The following DPP10 variants were observed in gnomAD, a reference collection of about 807,000 sequenced individuals.
DPP10 encodes dipeptidyl peptidase like 10.
Under a neutral mutation model 120.9 loss-of-function variants are expected in DPP10, and 33 were observed. The ratio of observed to expected loss-of-function variants is 0.27; its 90% CI spans 0.21 to 0.37. DPP10 has a LOEUF of 0.37. DPP10 is among the 10% of genes least tolerant of loss of function. The probability of loss-of-function intolerance (pLI) is 1.00; values close to 1 mark genes in which losing one functional copy is unlikely to be tolerated. For synonymous variants in DPP10, 337 were observed against 326.1 expected (o/e 1.03, Z -0.36); for missense variants, 816 against 942.8 (o/e 0.87, Z 1.76).
chr2:115,596,541 C>A (rs936470735), intron 5 of DPP10, among the ~76,000 whole-genome samples: 14 of 152,222 alleles, frequency 9.2e-5, no homozygotes, highest in Middle Eastern at 3.4e-3. Context: ...AGTTTCTCTC[C>A]AGTATTTTAG....
intron 1 of DPP10, among the ~76,000 whole-genome samples, chr2:115,052,445 T>C (rs1450408343): frequency 6.6e-6 from 1 of 152,042 alleles, no homozygotes; most frequent in Non-Finnish European, 1.5e-5. Context: ...GGGTTTAATA[T>C]CCAGAATATG....
chr2:115,782,475 C>T, intron 17 of DPP10, 76 bp downstream of exon 17: 1 of 1,343,174 alleles, frequency 7.4e-7, no homozygotes, highest in South Asian at 1.2e-5. Flanking sequence ...TATTCTGAGT[C>T]ATATCCTCTA....
intron 1 of DPP10, among the ~76,000 whole-genome samples, chr2:114,458,469 G>A (rs1049087174): frequency 6.6e-6 from 1 of 152,056 alleles, no homozygotes; most frequent in Non-Finnish European, 1.5e-5. Context: ...CTTAAAAGCA[G>A]ATGAACTTGA....
At chr2:114,577,284 A>C (rs1375235107) in intron 1 of DPP10, among the ~76,000 whole-genome samples, 1 of 152,226 alleles carries the variant, frequency 6.6e-6, no homozygotes, top group Non-Finnish European at 1.5e-5. Flanking sequence ...CAAAGAGCAC[A>C]CACTTGGTGA....
chr2:114,766,248 C>A (rs116511345), intron 1 of DPP10, among the ~76,000 whole-genome samples: 4 of 151,958 alleles, frequency 2.6e-5, no homozygotes, highest in Non-Finnish European at 4.4e-5. Context: ...TGAGTTACTG[C>A]ACTCCCATTT....
At chr2:115,212,893 G>C (rs1214751112) in intron 1 of DPP10, among the ~76,000 whole-genome samples, 1 of 151,960 alleles carries the variant, frequency 6.6e-6, no homozygotes, top group Non-Finnish European at 1.5e-5. Context: ...TATTCACATT[G>C]GTTTATCACA....
chr2:114,459,631 CT>C lies in DPP10; in HGVS notation c.60+16796del, dbSNP rs80305111. Reference sequence around the variant, plus strand: ...ACAAGAGGCCTCATGGTGAGCTATGCTTTGTTCAAAAAGGATGAAAGCAATT... The same window carrying C: ...ACAAGAGGCCTCATGGTGAGCTATGCTTGTTCAAAAAGGATGAAAGCAATT... On this transcript the variant is annotated intron_variant, in intron 1 of 25. Coordinates refer to ENST00000410059, the MANE Select transcript of DPP10 (RefSeq NM_020868.6). Among the ~76,000 whole-genome samples the C allele has an allele frequency of 3.1e-3, 470 of 152,172 alleles. 11 individuals carry two copies. The East Asian group carries it at 0.039, about 13-fold the overall frequency.
At chr2:115,384,476 A>G (rs10165999) in intron 3 of DPP10, among the ~76,000 whole-genome samples, 2 of 130,264 alleles carry the variant, frequency 1.5e-5, no homozygotes, top group Non-Finnish European at 1.7e-5. Flanking sequence ...AAGGAAGAAG[A>G]AGGAAGAAGA....
At chr2:114,908,966 T>G (rs1369843705) in intron 1 of DPP10, among the ~76,000 whole-genome samples, 2 of 151,832 alleles carry the variant, frequency 1.3e-5, no homozygotes, top group Non-Finnish European at 3.0e-5. Flanking sequence ...TAGTACTGAG[T>G]TTACTACATT....
chr2:114,888,816 A>G (rs1692301904), intron 1 of DPP10, among the ~76,000 whole-genome samples: 1 of 152,206 alleles, frequency 6.6e-6, no homozygotes, highest in African/African-American at 2.4e-5. Context: ...ATGAGATAGC[A>G]CAGATAACTT....
chr2:114,968,212 C>G (rs1360159882), intron 1 of DPP10, among the ~76,000 whole-genome samples: 1 of 152,168 alleles, frequency 6.6e-6, no homozygotes, highest in African/African-American at 2.4e-5. Flanking sequence ...ATGTCTTAGC[C>G]TCTGCTGTTG....
rs141071892 is a variant in DPP10 at position 114,601,592 on chromosome 2, C to A, written c.60+158754C>A. ...GTATAAGCAGTACATTGAAAGACAGCCAATAACATTCATCTCTTGAAATAA... is the reference window on the plus strand; with the variant it reads ...GTATAAGCAGTACATTGAAAGACAGACAATAACATTCATCTCTTGAAATAA... On this transcript the variant is annotated intron_variant, in intron 1 of 25. Coordinates refer to ENST00000410059, the MANE Select transcript of DPP10 (RefSeq NM_020868.6). 3.9e-5 allele frequency among the ~76,000 whole-genome samples: 6 copies of A among 151,934 alleles called. No homozygotes were observed. In the East Asian group the frequency reaches 7.7e-4, roughly 20 times the overall value.
chr2:115,712,539 A>ATTTTATTT (rs1398073048), intron 7 of DPP10, among the ~76,000 whole-genome samples: 3 of 9,870 alleles, frequency 3.0e-4, no homozygotes, highest in African/African-American at 3.3e-4. Context: ...AGAGTCCTGA[A>ATTTTATTT]TTAAATATAT....
intron 1 of DPP10, among the ~76,000 whole-genome samples, chr2:114,947,101 C>T (rs2104613552): frequency 6.6e-6 from 1 of 151,508 alleles, no homozygotes; most frequent in South Asian, 2.1e-4. Context: ...ACCACTTAAA[C>T]CTAGAGAGCT....
At chr2:115,537,162 A>G (rs1456403543) in intron 5 of DPP10, among the ~76,000 whole-genome samples, 2 of 152,086 alleles carry the variant, frequency 1.3e-5, no homozygotes, top group Admixed American at 6.6e-5. Context: ...TACAACATAC[A>G]GGTAAATTTG....
Position 114,692,943 on chromosome 2 carries a change from C to T in DPP10, c.60+250105C>T, listed in dbSNP as rs555915728. Among the ~76,000 whole-genome samples, 314 of 152,138 alleles carry T rather than the reference C, an allele frequency of 2.1e-3. 2 individuals are homozygous for T. The highest frequency in any genetic ancestry group is 7.2e-3 in the African/African-American group (299 of 41,524). On this transcript the variant is annotated intron_variant, in intron 1 of 25. Coordinates refer to ENST00000410059, the MANE Select transcript of DPP10 (RefSeq NM_020868.6). ...TCTATTTGCTTGGTAAATTTTCCTC[C>T]ATCCCTTTATTTTAAGTCTATGTGT...
In DPP10 at chr2:114,914,430, A is replaced by G. The variant is rs552634113; in HGVS notation, c.61-394809A>G. ...GCATCCTTAAAGATAAGAAATCCCA[A>G]ACAAGAATTTTTTTATTCAGCCAAA... On this transcript the variant is annotated intron_variant, in intron 1 of 25. Coordinates refer to ENST00000410059, the MANE Select transcript of DPP10 (RefSeq NM_020868.6). Among the ~76,000 whole-genome samples the G allele has an allele frequency of 1.2e-3, 178 of 152,336 alleles. 1 individual carries two copies. Among genetic ancestry groups the G allele is most frequent in the African/African-American group, 3.8e-3 (156 of 41,586 alleles).
intron 1 of DPP10, among the ~76,000 whole-genome samples, chr2:114,696,924 G>A (rs1700102449): frequency 1.3e-5 from 2 of 151,864 alleles, no homozygotes; most frequent in South Asian, 4.1e-4. Context: ...TTTCTACAAT[G>A]AAAAAATACA....
chr2:115,750,445 G>A (rs1026300381), intron 10 of DPP10, among the ~76,000 whole-genome samples: 1 of 152,152 alleles, frequency 6.6e-6, no homozygotes, highest in South Asian at 2.1e-4. Context: ...ATGGTCGTTT[G>A]TTAGACTTTA....
Sources: allele counts gnomAD v4.1 joint callset (sites outside exome capture counted in the v4.1 genomes callset), GRCh38; gene constraint gnomAD v4.1.1; transcripts MANE v1.5; gene names NCBI Gene and HGNC (gene_info 2026-07-23, HGNC 2026-07-21).